GALNT17: variants seen among roughly 807,000 people sequenced by gnomAD.
The protein encoded by GALNT17 is polypeptide N-acetylgalactosaminyltransferase 17.
A neutral mutation model predicts 63.7 loss-of-function variants in GALNT17; 29 were observed. The ratio of observed to expected loss-of-function variants is 0.46; its 90% confidence interval spans 0.34 to 0.62. The LOEUF (loss-of-function observed/expected upper bound fraction) is 0.62. GALNT17 is among the 20% of genes least tolerant of loss of function. GALNT17 has a pLI of 0.01. For missense variants in GALNT17, 603 were observed against 799.6 expected (o/e 0.75, Z 2.97); for synonymous variants, 305 against 318.3 (o/e 0.96, Z 0.45).
At chr7:71,578,158 T>C (rs2116892809) in intron 6 of GALNT17, among the ~76,000 whole-genome samples, 1 of 152,020 alleles carries the variant, frequency 6.6e-6, no homozygotes, top group East Asian at 1.9e-4. Flanking sequence ...TGCCTCAGCC[T>C]CCCAGCTAGC....
At chr7:71,235,592 C>T (rs1016181674) in intron 1 of GALNT17, among the ~76,000 whole-genome samples, 4 of 152,128 alleles carry the variant, frequency 2.6e-5, no homozygotes, top group Admixed American at 2.6e-4. Context: ...CAAAATAAAA[C>T]GTCATCAGAT....
intron 6 of GALNT17, among the ~76,000 whole-genome samples, chr7:71,593,089 G>T (rs1007480165): frequency 3.3e-5 from 5 of 151,950 alleles, no homozygotes; most frequent in African/African-American, 4.8e-5. Flanking sequence ...GGTTGAGGCT[G>T]CAGGGAGCTA....
At chr7:71,299,635 G>A (rs923510174) in intron 1 of GALNT17, among the ~76,000 whole-genome samples, 83 of 146,646 alleles carry the variant, frequency 5.7e-4, no homozygotes, top group African/African-American at 1.9e-3. Flanking sequence ...CCACTGTAGC[G>A]CTGGAATCAA....
At chr7:71,454,184 G>A (rs1787315105) in intron 5 of GALNT17, among the ~76,000 whole-genome samples, 1 of 152,124 alleles carries the variant, frequency 6.6e-6, no homozygotes, top group African/African-American at 2.4e-5. Flanking sequence ...GCTGCACCTA[G>A]CAACCCATCA....
At chr7:71,255,867 G>T (rs968053534) in intron 1 of GALNT17, among the ~76,000 whole-genome samples, 10 of 152,126 alleles carry the variant, frequency 6.6e-5, no homozygotes, top group Non-Finnish European at 2.9e-5. Flanking sequence ...CACATGAATG[G>T]ACCACTGTCC....
At chr7:71,223,607 G>T (rs1184122499) in intron 1 of GALNT17, among the ~76,000 whole-genome samples, 1 of 151,972 alleles carries the variant, frequency 6.6e-6, no homozygotes, top group African/African-American at 2.4e-5. Flanking sequence ...TGTTACACAG[G>T]TGAACTCATG....
intron 5 of GALNT17, among the ~76,000 whole-genome samples, chr7:71,536,059 C>A (rs62459931): frequency 2.0e-5 from 3 of 151,980 alleles, no homozygotes; most frequent in Non-Finnish European, 4.4e-5. Context: ...TATGACTCAA[C>A]TGACTATTTG....
At chr7:71,514,873 T>C (rs554649249) in intron 5 of GALNT17, among the ~76,000 whole-genome samples, 29 of 152,318 alleles carry the variant, frequency 1.9e-4, no homozygotes, top group Admixed American at 1.9e-3. Context: ...GCTCCCGTAA[T>C]TCCCACGTGT....
intron 1 of GALNT17, among the ~76,000 whole-genome samples, chr7:71,136,647 G>A (rs1787789233): frequency 6.6e-6 from 1 of 152,044 alleles, no homozygotes. Context: ...ACCATGCCCG[G>A]CTAATTTTTG....
chr7:71,565,838 CTCT>C (rs1789333821), intron 5 of GALNT17, among the ~76,000 whole-genome samples: 1 of 142,302 alleles, frequency 7.0e-6, no homozygotes, highest in Non-Finnish European at 1.5e-5. Flanking sequence ...TTTTTCTCTT[CTCT>C]TTTCTTTTTT....
chr7:71,529,290 A>G (rs1788675960), intron 5 of GALNT17, among the ~76,000 whole-genome samples: 1 of 149,682 alleles, frequency 6.7e-6, no homozygotes, highest in Admixed American at 6.6e-5. Context: ...TACAACTCCA[A>G]TATCTTCAAG....
chr7:71,711,274 C>T (rs1036778867), intron 10 of GALNT17, among the ~76,000 whole-genome samples: 13 of 151,816 alleles, frequency 8.6e-5, no homozygotes, highest in Non-Finnish European at 1.8e-4. Flanking sequence ...ACATCCTGAC[C>T]CCCTCCTGAC....
chr7:71,703,598 G>A lies in GALNT17; in HGVS notation c.1501-7163G>A, dbSNP rs145565735. Among the ~76,000 whole-genome samples the A allele has an allele frequency of 3.5e-3, 537 of 152,272 alleles. 2 individuals carry two copies. The highest frequency in any genetic ancestry group is 0.012 in the African/African-American group (500 of 41,544). On this transcript the variant is annotated intron_variant, in intron 9 of 10. Coordinates refer to ENST00000333538, the MANE Select transcript of GALNT17 (RefSeq NM_022479.3). Reference sequence around the variant, plus strand: ...TTTGGAGGAGACAAACACTCAAACCGCATCACCTGATAACCTTTAAAAGAG... The same window carrying A: ...TTTGGAGGAGACAAACACTCAAACCACATCACCTGATAACCTTTAAAAGAG...
intron 1 of GALNT17, chr7:71,284,265 CG>C (rs1214190800): frequency 6.4e-6 from 1 of 156,082 alleles, no homozygotes; most frequent in East Asian, 1.9e-4. Context: ...GGCATGATCT[CG>C]GCTCTCTGCA....
chr7:71,232,496 G>A (rs1270454949), intron 1 of GALNT17, among the ~76,000 whole-genome samples: 1 of 152,078 alleles, frequency 6.6e-6, no homozygotes, highest in Non-Finnish European at 1.5e-5. Flanking sequence ...TTAGGGACTA[G>A]GGGGGATTTA....
At chr7:71,497,772 TTGAATGGCA>T (rs1197919791) in intron 5 of GALNT17, among the ~76,000 whole-genome samples, 2 of 152,182 alleles carry the variant, frequency 1.3e-5, no homozygotes, top group Non-Finnish European at 1.5e-5. Context: ...GTTGCTGATA[TTGAATGGCA>T]AGGCCAGAAG....
chr7:71,549,833 G>A (rs925632596), intron 5 of GALNT17, among the ~76,000 whole-genome samples: 6 of 151,862 alleles, frequency 4.0e-5, no homozygotes, highest in African/African-American at 7.3e-5. Flanking sequence ...AGGAGGATCC[G>A]AGGGAAAGGA....
chr7:71,711,795 TTC>T (rs1396834758), intron 10 of GALNT17, among the ~76,000 whole-genome samples: 1 of 151,276 alleles, frequency 6.6e-6, no homozygotes, highest in African/African-American at 2.4e-5. Flanking sequence ...TCTCTTTCTC[TTC>T]TGTCTCTATC....
chr7:71,384,723 T>C (rs1792908968), intron 2 of GALNT17, among the ~76,000 whole-genome samples: 1 of 152,178 alleles, frequency 6.6e-6, no homozygotes. Flanking sequence ...GTCTAGCTCT[T>C]TACTGTGTAA....
Sources: gnomAD v4.1 joint callset for allele counts (sites outside exome capture counted in the v4.1 genomes callset) on GRCh38, gnomAD v4.1.1 for gene constraint, MANE v1.5 for transcripts, NCBI Gene and HGNC (gene_info 2026-07-23, HGNC 2026-07-21) for gene names.